CRIPTO: variants seen among roughly 807,000 people sequenced by gnomAD.
The protein encoded by CRIPTO is cripto, EGF-CFC family member.
chr3:46,578,056 C>T, the CRIPTO span: 41 of 1,586,392 alleles, frequency 2.6e-5, no homozygotes, highest in Non-Finnish European at 3.4e-5. Flanking sequence ...AGATTGCCAG[C>T]TTAGGAAGTA....
the CRIPTO span, chr3:46,582,356 T>C: frequency 6.6e-6 from 1 of 152,256 alleles, no homozygotes; most frequent in Non-Finnish European, 1.5e-5. Context: ...GTTCACAATA[T>C]ATTTAGTTGT....
At chr3:46,575,418 T>A in the CRIPTO span, among the ~76,000 whole-genome samples, 2 of 151,614 alleles carry the variant, frequency 1.3e-5, no homozygotes, top group African/African-American at 4.8e-5. Flanking sequence ...CCACCCCCCA[T>A]CCCAAAACCT....
chr3:46,581,325 C>G, the CRIPTO span: 1 of 1,111,134 alleles, frequency 9.0e-7, no homozygotes, highest in Non-Finnish European at 1.4e-6. Flanking sequence ...GCTGCTGCTA[C>G]AATGTCCTAA....
chr3:46,580,451 A>G, the CRIPTO span, among the ~76,000 whole-genome samples: 4 of 152,092 alleles, frequency 2.6e-5, no homozygotes, highest in Non-Finnish European at 2.9e-5. Flanking sequence ...CCTGACGACA[A>G]ATTCTATCAG....
the CRIPTO span, chr3:46,581,601 C>T: frequency 5.5e-4 from 309 of 561,772 alleles, 1 homozygote; most frequent in African/African-American, 2.5e-3. Flanking sequence ...CCTCCGCATC[C>T]GGGGTTCAAG....
At chr3:46,576,075 T>C in the CRIPTO span, among the ~76,000 whole-genome samples, 1 of 152,130 alleles carries the variant, frequency 6.6e-6, no homozygotes, top group African/African-American at 2.4e-5. Flanking sequence ...AGGAATGAAA[T>C]AGTCAACTGC....
At chr3:46,575,003 G>A in the CRIPTO span, among the ~76,000 whole-genome samples, 1 of 152,148 alleles carries the variant, frequency 6.6e-6, no homozygotes, top group Admixed American at 6.5e-5. Context: ...GGATGAGATG[G>A]GCTGCCTGTG....
the CRIPTO span, chr3:46,580,248 G>A: frequency 1.3e-5 from 10 of 748,338 alleles, no homozygotes; most frequent in African/African-American, 3.5e-5. Flanking sequence ...TTATTTCCTC[G>A]GGAACCTGGC....
the CRIPTO span, chr3:46,577,923 A>T: frequency 6.2e-7 from 1 of 1,602,892 alleles, no homozygotes; most frequent in Non-Finnish European, 8.5e-7. Context: ...AATGACTCTG[A>T]ATTAAAGCGA....
At chr3:46,574,602 A>G in the CRIPTO span, 1 of 152,260 alleles carries the variant, frequency 6.6e-6, no homozygotes, top group Non-Finnish European at 1.5e-5. Context: ...TAAGTGCCCT[A>G]TGATAAAAGA....
the CRIPTO span, chr3:46,580,028 G>A: frequency 8.7e-6 from 14 of 1,614,242 alleles, no homozygotes; most frequent in South Asian, 6.6e-5. Context: ...GGTCAGCTCC[G>A]CTGCTTTCCT....
At chr3:46,579,170 G>C in the CRIPTO span, 1 of 1,614,072 alleles carries the variant, frequency 6.2e-7, no homozygotes. Flanking sequence ...TTGTTCTTTT[G>C]ATCACTCTCA....
the CRIPTO span, among the ~76,000 whole-genome samples, chr3:46,576,886 A>C: frequency 6.6e-6 from 1 of 150,700 alleles, no homozygotes; most frequent in Non-Finnish European, 1.5e-5. Context: ...CTCAATAAAC[A>C]CGTTTACCCC....
At chr3:46,580,017 C>T in the CRIPTO span, 8 of 1,614,136 alleles carry the variant, frequency 5.0e-6, no homozygotes, top group South Asian at 1.1e-5. Flanking sequence ...AATGCTGGCA[C>T]GGTCAGCTCC....
the CRIPTO span, chr3:46,580,027 CGCT>C: frequency 3.7e-6 from 6 of 1,614,252 alleles, no homozygotes; most frequent in Non-Finnish European, 5.1e-6. Flanking sequence ...CGGTCAGCTC[CGCT>C]GCTTTCCTCA....
the CRIPTO span, chr3:46,579,818 C>T: frequency 6.2e-7 from 1 of 1,613,988 alleles, no homozygotes; most frequent in South Asian, 1.1e-5. Flanking sequence ...CTCCCTCCTT[C>T]TACGGACGGA....
At chr3:46,578,070 T>C in the CRIPTO span, 6 of 1,523,338 alleles carry the variant, frequency 3.9e-6, no homozygotes, top group Non-Finnish European at 5.5e-6. Context: ...GGAAGTAATG[T>C]TCTACACCTG....
chr3:46,580,056 C>T, the CRIPTO span: 1 of 1,614,266 alleles, frequency 6.2e-7, no homozygotes, highest in Non-Finnish European at 8.5e-7. Flanking sequence ...TTCTACCCGG[C>T]TGTGGTAAGC....
At chr3:46,576,986 G>C in the CRIPTO span, among the ~76,000 whole-genome samples, 1 of 152,090 alleles carries the variant, frequency 6.6e-6, no homozygotes, top group Non-Finnish European at 1.5e-5. Flanking sequence ...TGTGGGAGCT[G>C]GGAGGCTGAG....
Sources: gnomAD v4.1 joint callset for allele counts (sites outside exome capture counted in the v4.1 genomes callset) on GRCh38, gnomAD v4.1.1 for gene constraint, MANE v1.5 for transcripts, NCBI Gene and HGNC (gene_info 2026-07-23, HGNC 2026-07-21) for gene names.